The following TMEM170B variants were observed in gnomAD, a reference collection of about 807,000 sequenced individuals.
TMEM170B encodes the protein transmembrane protein 170B.
In TMEM170B, 6 loss-of-function variants were observed where a neutral mutation model predicts 13.0. The ratio of observed to expected loss-of-function variants is 0.46; its 90% CI spans 0.25 to 0.91. The LOEUF (loss-of-function observed/expected upper bound fraction) is 0.91, where lower values mean the gene tolerates loss of function less well. TMEM170B is among the 40% of genes least tolerant of loss of function. The pLI is 0.17. For synonymous variants in TMEM170B, 61 were observed against 64.9 expected (o/e 0.94, Z 0.29); for missense variants, 138 against 165.2 (o/e 0.84, Z 0.90).
intron 1 of TMEM170B, among the ~76,000 whole-genome samples, chr6:11,553,206 T>C (rs1192165181): frequency 6.6e-6 from 1 of 152,182 alleles, no homozygotes; most frequent in East Asian, 1.9e-4. Flanking sequence ...AGGTGGGTTT[T>C]GCATCCTTAG....
Position 11,580,307 on chromosome 6 carries a change from C to T in TMEM170B, c.*4746C>T, listed in dbSNP as rs932128049. 2.0e-5 allele frequency: 3 copies of T among 152,102 alleles called. No individual in the cohort carries two copies. Among genetic ancestry groups the T allele is most frequent in the Admixed American group, 2.0e-4 (3 of 15,260 alleles). The allele number at this position is 152,102 out of a possible 1,614,324, so 9.4% of individuals were successfully genotyped here. On this transcript the variant is annotated 3_prime_UTR_variant, in exon 3 of 3. Transcript: ENST00000379426. ...GGATTACAGGTGTAAGCTGCCGTGC[C>T]CAGCCTATTTTTTTTTAACTTCAAA...
intron 1 of TMEM170B, among the ~76,000 whole-genome samples, chr6:11,539,314 A>C (rs1466780922): frequency 6.6e-6 from 1 of 152,240 alleles, no homozygotes. Flanking sequence ...TCTTAAAAAA[A>C]TACTCAGAAT....
chr6:11,557,793 C>T (rs929008056), intron 1 of TMEM170B, among the ~76,000 whole-genome samples: 2 of 152,182 alleles, frequency 1.3e-5, no homozygotes, highest in Admixed American at 6.5e-5. Context: ...CCAGGCCATC[C>T]GCAAGTTCTC....
intron 2 of TMEM170B, among the ~76,000 whole-genome samples, chr6:11,569,076 T>C (rs901520103): frequency 6.6e-6 from 1 of 152,170 alleles, no homozygotes; most frequent in Admixed American, 6.5e-5. Flanking sequence ...GCATCTCTTC[T>C]TATGTTTATT....
At chr6:11,561,332 G>C (rs1220546546) in intron 1 of TMEM170B, among the ~76,000 whole-genome samples, 3 of 152,128 alleles carry the variant, frequency 2.0e-5, no homozygotes, top group African/African-American at 7.2e-5. Context: ...GGTATGAGTG[G>C]AGAGAGAAAA....
At chr6:11,559,308 C>T (rs899401379) in intron 1 of TMEM170B, among the ~76,000 whole-genome samples, 7 of 151,650 alleles carry the variant, frequency 4.6e-5, no homozygotes, top group East Asian at 1.9e-4. Flanking sequence ...GTGATTCTCC[C>T]GTCTCAGCCT....
Position 11,583,148 on chromosome 6 carries a change from T to G in TMEM170B, c.*7587T>G, listed in dbSNP as rs547414983. Reference sequence around the variant, plus strand: ...AGATGTTGATCTTTATTTTAAATTATTTTTCACCATTCTCATTTTCTTCAA... The same window carrying G: ...AGATGTTGATCTTTATTTTAAATTAGTTTTCACCATTCTCATTTTCTTCAA... On this transcript the variant is annotated 3_prime_UTR_variant, in exon 3 of 3. Transcript: ENST00000379426. 3 of 152,328 alleles carry G rather than the reference T, an allele frequency of 2.0e-5. No individual in the cohort carries two copies. The highest frequency in any genetic ancestry group is 1.3e-4 in the Admixed American group (2 of 15,312). The allele number at this position is 152,328 out of a possible 1,614,324, so 9.4% of individuals were successfully genotyped here.
chr6:11,568,812 T>C (rs1759765364), intron 2 of TMEM170B, among the ~76,000 whole-genome samples: 1 of 152,212 alleles, frequency 6.6e-6, no homozygotes, highest in African/African-American at 2.4e-5. Flanking sequence ...CAGTTATTGA[T>C]TGCTAAATAC....
At chr6:11,558,150 TAATCTTTTTAAA>T in intron 1 of TMEM170B, among the ~76,000 whole-genome samples, 3 of 152,360 alleles carry the variant, frequency 2.0e-5, no homozygotes, top group African/African-American at 7.2e-5. Context: ...TCTACCACAG[TAATCTTTTTAAA>T]AGGAGATATG....
In TMEM170B at chr6:11,537,806, C is replaced by G. The variant is rs984987290; in HGVS notation, c.-472C>G. 1.3e-4 allele frequency among the ~76,000 whole-genome samples: 20 copies of G among 151,566 alleles called. No homozygotes were observed. The highest frequency in any genetic ancestry group is 2.5e-4 in the Non-Finnish European group (17 of 67,780). ...CGGGCGGCAGGTGCCGCCGCAGCCTCTGGCTGGTCCCGCGTCTCCGTCCTC... is the reference window on the plus strand; with the variant it reads ...CGGGCGGCAGGTGCCGCCGCAGCCTGTGGCTGGTCCCGCGTCTCCGTCCTC... On this transcript the variant is annotated 5_prime_UTR_variant, in exon 1 of 3. Transcript: ENST00000379426.
At chr6:11,553,836 C>G (rs1057390998) in intron 1 of TMEM170B, among the ~76,000 whole-genome samples, 1 of 152,150 alleles carries the variant, frequency 6.6e-6, no homozygotes, top group Non-Finnish European at 1.5e-5. Context: ...AATCTTTGCT[C>G]TCTGCACACC....
At position 11,575,348 on chromosome 6, in the gene TMEM170B, G is replaced by T; in HGVS notation, c.269-83G>T. ...ATGATGACTTATGTTTTGATGAAAT[G>T]AAAAGAGCTCTTAAGGTGCAGCATG... On this transcript the variant is annotated intron_variant, in intron 2 of 2. Coordinates refer to ENST00000379426, the MANE Select transcript of TMEM170B (RefSeq NM_001100829.3). This position sits in a 1 kb window ranked among gnomAD's most constrained non-coding sequence, Gnocchi z 4.1. The T allele has an allele frequency of 6.7e-7, 1 of 1,501,170 alleles. No individual in the cohort carries two copies. The highest frequency in any genetic ancestry group is 1.3e-5 in the South Asian group (1 of 79,784). The allele number at this position is 1,501,170 out of a possible 1,614,324, so 93.0% of individuals were successfully genotyped here.
At chr6:11,566,140 T>G (rs1037296111) in intron 2 of TMEM170B, among the ~76,000 whole-genome samples, 18 of 152,220 alleles carry the variant, frequency 1.2e-4, no homozygotes, top group Non-Finnish European at 1.5e-4. Context: ...GTTTCTGCTT[T>G]CAAGTTGCTC....
intron 2 of TMEM170B, among the ~76,000 whole-genome samples, chr6:11,568,099 G>A (rs1185165117): frequency 1.3e-5 from 2 of 152,112 alleles, no homozygotes; most frequent in African/African-American, 4.8e-5. Context: ...AGGAGTGAGA[G>A]AGGAAGAGAG....
At chr6:11,554,696 T>C (rs1028534209) in intron 1 of TMEM170B, among the ~76,000 whole-genome samples, 3 of 152,124 alleles carry the variant, frequency 2.0e-5, no homozygotes, top group Non-Finnish European at 4.4e-5. Context: ...AAGGGTAATT[T>C]GGTTTAAGTG....
intron 1 of TMEM170B, among the ~76,000 whole-genome samples, chr6:11,541,174 A>G (rs1055641774): frequency 6.6e-6 from 1 of 152,154 alleles, no homozygotes; most frequent in African/African-American, 2.4e-5. Context: ...ATTAGCTCCT[A>G]AGAAGAGTCA....
chr6:11,562,613 A>G (rs981938321), intron 1 of TMEM170B, among the ~76,000 whole-genome samples: 1 of 152,118 alleles, frequency 6.6e-6, no homozygotes, highest in African/African-American at 2.4e-5. Flanking sequence ...TATAAGAATC[A>G]CAGTTGTAAG....
chr6:11,567,094 C>T (rs981042234), intron 2 of TMEM170B, among the ~76,000 whole-genome samples: 48 of 152,230 alleles, frequency 3.2e-4, no homozygotes, highest in African/African-American at 1.1e-3. Context: ...ACCTGACATT[C>T]CTGGTGGGTG....
At chr6:11,547,872 T>TA (rs1444316000) in intron 1 of TMEM170B, among the ~76,000 whole-genome samples, 1 of 152,196 alleles carries the variant, frequency 6.6e-6, no homozygotes, top group Non-Finnish European at 1.5e-5. Flanking sequence ...TCTTTAATAT[T>TA]AACTATGATA....
Sources: gnomAD v4.1 joint callset for allele counts (sites outside exome capture counted in the v4.1 genomes callset) on GRCh38, gnomAD v4.1.1 for gene constraint, Gnocchi (gnomAD v3.1) non-coding constraint, MANE v1.5 for transcripts, NCBI Gene and HGNC (gene_info 2026-07-23, HGNC 2026-07-21) for gene names.